The following GLB1L2 variants were observed in gnomAD, a reference collection of about 807,000 sequenced individuals.
The protein encoded by GLB1L2 is galactosidase beta 1 like 2.
Under a neutral mutation model 84.1 loss-of-function variants are expected in GLB1L2, and 68 were observed. The observed-to-expected ratio is 0.81, with a 90% CI of 0.67 to 0.99. The LOEUF is 0.99. Among genes scored for constraint, GLB1L2 ranks in the 50% least tolerant of loss-of-function variants. The probability of loss-of-function intolerance (pLI) is 0.00; values close to 1 mark genes in which losing one functional copy is unlikely to be tolerated. For missense variants in GLB1L2, 762 were observed against 805.6 expected, an observed-to-expected ratio of 0.95 and a Z score of 0.66; for synonymous variants, 290 against 318.0, an observed-to-expected ratio of 0.91 and a Z score of 0.94.
At chr11:134,333,688 A>G (rs1282471782) in intron 1 of GLB1L2, among the ~76,000 whole-genome samples, 1 of 152,194 alleles carries the variant, frequency 6.6e-6, no homozygotes, top group Non-Finnish European at 1.5e-5. Flanking sequence ...GAGCTGACCT[A>G]GCTGGGAAGA....
chr11:134,371,917 CA>C, intron 15 of GLB1L2, 87 bp downstream of exon 15: 3 of 1,309,154 alleles, frequency 2.3e-6, no homozygotes, highest in Non-Finnish European at 3.3e-6. Context: ...GCCACCAGGC[CA>C]TGGAGGCCTC....
In GLB1L2 at chr11:134,332,159, C is replaced by A; in HGVS notation, c.86+12C>A. 6.5e-7 allele frequency: 1 copy of A among 1,527,248 alleles called. No individual in the cohort carries two copies. Among genetic ancestry groups the A allele is most frequent in the Admixed American group, 2.0e-5 (1 of 50,284 alleles). 94.6% of individuals were successfully genotyped at this position (1,527,248 alleles called of 1,614,324 possible). ...CTGGTGCTCCGCAGGTGAGAGAGAG[C>A]TTCGCGCAGCACCTGCCGGACCCCA... On this transcript the variant is annotated intron_variant, in intron 1 of 18. Transcript: ENST00000535456.
chr11:134,352,300 C>T (rs1191579544), intron 5 of GLB1L2, among the ~76,000 whole-genome samples: 1 of 152,058 alleles, frequency 6.6e-6, no homozygotes, highest in Admixed American at 6.5e-5. Flanking sequence ...CAGTAATAGC[C>T]TCATGTTGTT....
intron 10 of GLB1L2, among the ~76,000 whole-genome samples, chr11:134,369,266 C>G (rs113039445): frequency 0.015 from 2,245 of 152,294 alleles, 56 homozygotes; most frequent in African/African-American, 0.051. Context: ...GATCATAGCT[C>G]ACTGCAGCCT....
chr11:134,356,960 G>A (rs973092267), intron 6 of GLB1L2, among the ~76,000 whole-genome samples: 5 of 152,166 alleles, frequency 3.3e-5, no homozygotes, highest in Admixed American at 6.5e-5. Context: ...AATGCCTCGA[G>A]TTTTTTCTAA....
chr11:134,358,518 C>T (rs1943737441), intron 6 of GLB1L2, among the ~76,000 whole-genome samples: 1 of 152,286 alleles, frequency 6.6e-6, no homozygotes, highest in Non-Finnish European at 1.5e-5. Flanking sequence ...TGGGAGGATG[C>T]TTCCTGCTGT....
At chr11:134,359,166 G>C in intron 7 of GLB1L2, 25 bp downstream of exon 7, 1 of 1,537,586 alleles carries the variant, frequency 6.5e-7, no homozygotes, top group Non-Finnish European at 8.8e-7. Context: ...GTTGGGCCGT[G>C]GGGGCTGGCG....
chr11:134,358,083 G>C (rs930560327), intron 6 of GLB1L2, among the ~76,000 whole-genome samples: 4 of 152,214 alleles, frequency 2.6e-5, no homozygotes, highest in Admixed American at 1.3e-4. Flanking sequence ...CCTTCCCCGC[G>C]TGTGGGACTG....
In GLB1L2 at chr11:134,342,839, G is replaced by A. The variant is rs780894095; in HGVS notation, c.172G>A (p.Asp58Asn). Residue 58 changes from aspartate (D) to asparagine (N), a missense_variant, in exon 2 of 19, where the codon GAT becomes AAT. Asp to Asn is a conservative substitution (Grantham distance 23). Around this residue, in one of 3 missense-constraint regions of GLB1L2, gnomAD observed 100 missense variants for 88.8 expected, o/e 1.13. Transcript: ENST00000535456. Reference protein sequence around the residue: ...QAKGWNFMLEDSTFWIFGGSI... With the variant: ...QAKGWNFMLENSTFWIFGGSI... The stretch of plus-strand genomic sequence containing the variant: ...CAAGGGCTGGAACTTCATGCTGGAG[G>A]ATTCCACCTTCTGGATCTTCGGGGG... The A allele has an allele frequency of 1.2e-6, 2 of 1,613,960 alleles. No homozygotes were observed. The highest frequency in any genetic ancestry group is 1.7e-6 in the Non-Finnish European group (2 of 1,180,050).
chr11:134,368,449 T>C (rs988385982), intron 9 of GLB1L2, among the ~76,000 whole-genome samples, 195 bp from the exon 10 acceptor site: 8 of 152,216 alleles, frequency 5.3e-5, no homozygotes, highest in Non-Finnish European at 1.0e-4. Flanking sequence ...TCTGGGGCCA[T>C]GATTCTGGCC....
intron 15 of GLB1L2, 74 bp downstream of exon 15, chr11:134,371,904 C>CAG: frequency 7.1e-7 from 1 of 1,412,592 alleles, no homozygotes; most frequent in South Asian, 1.2e-5. Flanking sequence ...TCTATGCTAG[C>CAG]AGGCCACCAG....
chr11:134,342,696 A>T, intron 1 of GLB1L2, 58 bp from the exon 2 acceptor site: 1 of 1,532,646 alleles, frequency 6.5e-7, no homozygotes, highest in Non-Finnish European at 8.9e-7. Flanking sequence ...AGGGGCGAGG[A>T]AGCCGATCTC....
intron 10 of GLB1L2, among the ~76,000 whole-genome samples, chr11:134,369,304 T>A (rs1374199977): frequency 6.6e-6 from 1 of 152,218 alleles, no homozygotes; most frequent in Non-Finnish European, 1.5e-5. Flanking sequence ...GTGATCCTCC[T>A]GCTTCGGCCT....
intron 5 of GLB1L2, among the ~76,000 whole-genome samples, chr11:134,351,051 T>A (rs1187240671): frequency 6.6e-6 from 1 of 152,252 alleles, no homozygotes; most frequent in East Asian, 1.9e-4. Flanking sequence ...TGGCAGGACT[T>A]CCAGTACCGT....
chr11:134,332,148 G>C lies in GLB1L2; in HGVS notation c.86+1G>C. 1 of 1,564,986 alleles carries C rather than the reference G, an allele frequency of 6.4e-7. No homozygotes were observed. Among genetic ancestry groups the C allele is most frequent in the Admixed American group, 1.9e-5 (1 of 53,702 alleles). On this transcript the variant is annotated splice_donor_variant, in intron 1 of 18. Coordinates refer to ENST00000535456, the MANE Select transcript of GLB1L2 (RefSeq NM_001370461.1). LOFTEE classifies it high-confidence loss of function. ...TCTTGGGCTTCCTGGTGCTCCGCAGGTGAGAGAGAGCTTCGCGCAGCACCT... is the reference window on the plus strand; with the variant it reads ...TCTTGGGCTTCCTGGTGCTCCGCAGCTGAGAGAGAGCTTCGCGCAGCACCT...
At chr11:134,374,842 G>T in intron 18 of GLB1L2, 124 bp downstream of exon 18, 1 of 1,156,082 alleles carries the variant, frequency 8.6e-7, no homozygotes, top group South Asian at 1.3e-5. Flanking sequence ...CGCTGCAGAC[G>T]AGTTGTTGGT....
At chr11:134,344,800 T>G (rs966303098) in intron 3 of GLB1L2, among the ~76,000 whole-genome samples, 5 of 152,260 alleles carry the variant, frequency 3.3e-5, no homozygotes, top group Non-Finnish European at 5.9e-5. Flanking sequence ...TTGAGACCAC[T>G]GAGCCCTGGG....
intron 5 of GLB1L2, among the ~76,000 whole-genome samples, chr11:134,350,871 C>T (rs374729787): frequency 7.2e-5 from 11 of 152,304 alleles, no homozygotes; most frequent in African/African-American, 2.2e-4. Context: ...CATTTTTGCA[C>T]ATTGATTTTT....
chr11:134,338,767 C>A lies in GLB1L2; in HGVS notation c.87-3987C>A, dbSNP rs1214505692. On this transcript the variant is annotated intron_variant, in intron 1 of 18. Coordinates refer to ENST00000535456, the MANE Select transcript of GLB1L2 (RefSeq NM_001370461.1). This position sits in a 1 kb window ranked among gnomAD's most constrained non-coding sequence, Gnocchi z 6.2. Reference sequence around the variant, plus strand: ...CCCTTTTCCACTTGCCAAAAGGGAACTGGTGAGGATGGGCTGTAGAGGTCT... The same window carrying A: ...CCCTTTTCCACTTGCCAAAAGGGAAATGGTGAGGATGGGCTGTAGAGGTCT... 6.6e-6 allele frequency among the ~76,000 whole-genome samples: 1 copy of A among 152,202 alleles called. No homozygotes were observed. Among genetic ancestry groups the A allele is most frequent in the Non-Finnish European group, 1.5e-5 (1 of 68,018 alleles).
Sources: gnomAD v4.1 joint callset for allele counts (sites outside exome capture counted in the v4.1 genomes callset) on GRCh38, gnomAD v4.1.1 for gene constraint, gnomAD v4.1.1 regional missense constraint, Gnocchi (gnomAD v3.1) non-coding constraint, MANE v1.5 for transcripts, NCBI Gene and HGNC (gene_info 2026-07-23, HGNC 2026-07-21) for gene names.